The following ATL3 variants were observed in gnomAD, a reference collection of about 807,000 sequenced individuals.
ATL3 encodes the protein atlastin GTPase 3.
Under a neutral mutation model 69.5 loss-of-function variants are expected in ATL3, and 49 were observed. The ratio of observed to expected loss-of-function variants is 0.71; its 90% CI spans 0.56 to 0.89. ATL3 has a LOEUF of 0.89. ATL3 is among the 40% of genes least tolerant of loss of function. The pLI is 0.00. For missense variants in ATL3, 606 were observed against 645.7 expected, an observed-to-expected ratio of 0.94 and a Z score of 0.67; for synonymous variants, 214 against 224.1, an observed-to-expected ratio of 0.95 and a Z score of 0.40.
intron 1 of ATL3, among the ~76,000 whole-genome samples, chr11:63,669,264 G>C (rs987925951): frequency 1.3e-5 from 2 of 152,112 alleles, no homozygotes; most frequent in South Asian, 2.1e-4. Context: ...GCCAGGCGCC[G>C]TGGCTCACAC....
At position 63,661,311 on chromosome 11, in the gene ATL3, G is replaced by C. The variant is rs149843694; in HGVS notation, c.47-2059C>G. On this transcript the variant is annotated intron_variant, in intron 1 of 12. Coordinates refer to ENST00000398868, the MANE Select transcript of ATL3 (RefSeq NM_015459.5). ...AGATATAAGCTCAAAAAGATCTTTA[G>C]GTGGTTGTATTTTGCATATCACTAG... is the stretch of plus-strand genomic sequence containing the variant. Among the ~76,000 whole-genome samples, 125 of 152,014 alleles carry C rather than the reference G, an allele frequency of 8.2e-4. 2 individuals carry two copies. The East Asian group carries it at 0.023, about 28-fold the overall frequency.
chr11:63,635,683 T>C, intron 9 of ATL3, 93 bp from the exon 10 acceptor site: 2 of 992,924 alleles, frequency 2.0e-6, no homozygotes, highest in Non-Finnish European at 3.0e-6. Context: ...CAACTGCATT[T>C]TCCTAAAGAC....
intron 3 of ATL3, among the ~76,000 whole-genome samples, chr11:63,655,730 G>A (rs969222770): frequency 3.3e-5 from 5 of 151,966 alleles, no homozygotes; most frequent in East Asian, 1.9e-4. Flanking sequence ...ACAGACGTGC[G>A]CCACCGCGCC....
intron 11 of ATL3, among the ~76,000 whole-genome samples, chr11:63,632,018 C>T (rs1356031561): frequency 6.6e-6 from 1 of 152,092 alleles, no homozygotes; most frequent in Non-Finnish European, 1.5e-5. Flanking sequence ...TCTGCAGGGC[C>T]CAGGTGAGAA....
At chr11:63,647,851 C>T (rs1171237073) in intron 5 of ATL3, among the ~76,000 whole-genome samples, 1 of 152,214 alleles carries the variant, frequency 6.6e-6, no homozygotes, top group Non-Finnish European at 1.5e-5. Context: ...CAAATGAGAA[C>T]TGTCTCAAGT....
intron 1 of ATL3, among the ~76,000 whole-genome samples, chr11:63,662,295 A>G (rs1238194403): frequency 6.6e-6 from 1 of 152,158 alleles, no homozygotes; most frequent in Non-Finnish European, 1.5e-5. Context: ...ACAAAAAACT[A>G]CCAGTGGGGC....
chr11:63,641,686 G>C (rs1590726788), intron 8 of ATL3, among the ~76,000 whole-genome samples: 1 of 152,256 alleles, frequency 6.6e-6, no homozygotes, highest in Middle Eastern at 3.4e-3. Context: ...ACTTGCGGGG[G>C]AATAAATTTC....
At chr11:63,649,100 G>A (rs765693815) in intron 5 of ATL3, among the ~76,000 whole-genome samples, 1 of 151,998 alleles carries the variant, frequency 6.6e-6, no homozygotes, top group Admixed American at 6.6e-5. Context: ...ACTCCAGCCT[G>A]GGCAACTGAG....
chr11:63,657,260 T>C (rs935822268), intron 3 of ATL3, among the ~76,000 whole-genome samples: 11 of 147,898 alleles, frequency 7.4e-5, no homozygotes, highest in South Asian at 2.2e-4. Context: ...GCTTATAGGA[T>C]TGGGCTAAAA....
intron 5 of ATL3, among the ~76,000 whole-genome samples, chr11:63,649,565 T>A (rs942031256): frequency 1.3e-5 from 2 of 151,884 alleles, no homozygotes; most frequent in African/African-American, 4.8e-5. Flanking sequence ...AGAGTCTCAC[T>A]CTGTTGCCCA....
chr11:63,649,064 T>C (rs2134501290), intron 5 of ATL3, among the ~76,000 whole-genome samples: 1 of 149,812 alleles, frequency 6.7e-6, no homozygotes, highest in African/African-American at 2.5e-5. Context: ...GAGATTGCAG[T>C]GAGTGAGCCA....
intron 5 of ATL3, chr11:63,650,608 T>A (rs1940043287): frequency 6.6e-6 from 1 of 152,214 alleles, no homozygotes; most frequent in East Asian, 1.9e-4. Flanking sequence ...GTGAATTACA[T>A]AACTGCATCA....
At chr11:63,647,226 G>A (rs1939913115) in intron 5 of ATL3, among the ~76,000 whole-genome samples, 1 of 151,638 alleles carries the variant, frequency 6.6e-6, no homozygotes, top group Non-Finnish European at 1.5e-5. Context: ...AGACAGAGTT[G>A]TGCTCTTGTT....
intron 3 of ATL3, among the ~76,000 whole-genome samples, chr11:63,653,464 C>CAA (rs879281908): frequency 3.0e-5 from 4 of 132,446 alleles, no homozygotes; most frequent in Admixed American, 1.5e-4. Flanking sequence ...GATTTTGTCC[C>CAA]AAAAAAAAAA....
chr11:63,652,444 CT>C, intron 4 of ATL3, 26 bp downstream of exon 4: 2 of 1,418,222 alleles, frequency 1.4e-6, no homozygotes, highest in South Asian at 1.5e-5. Flanking sequence ...CCTTTGCGAG[CT>C]TTTTTCTGAG....
chr11:63,644,049 T>C (rs1313557673), intron 7 of ATL3, 120 bp downstream of exon 7: 1 of 660,622 alleles, frequency 1.5e-6, no homozygotes, highest in Middle Eastern at 2.6e-4. Flanking sequence ...TTAAGATTCA[T>C]ATATAGTTAA....
intron 3 of ATL3, among the ~76,000 whole-genome samples, chr11:63,654,150 T>G (rs1314617353): frequency 6.6e-5 from 9 of 137,134 alleles, no homozygotes; most frequent in South Asian, 2.3e-4. Flanking sequence ...ATACAATTTG[T>G]TTTTTTTTTT....
intron 3 of ATL3, among the ~76,000 whole-genome samples, chr11:63,657,208 C>CAAAAAAAAAAAAAAAAAAAAA (rs1254213240): frequency 5.2e-4 from 31 of 59,896 alleles, no homozygotes; most frequent in African/African-American, 1.6e-3. Context: ...GACTACATCT[C>CAAAAAAAAAAAAAAAAAAAAA]AAAAAAAAAA....
In ATL3 at chr11:63,627,471, A is replaced by T. The variant is rs1939152830; in HGVS notation, c.*1848T>A. 2 of 152,242 alleles carry T rather than the reference A, an allele frequency of 1.3e-5. No individual in the cohort carries two copies. The highest frequency in any genetic ancestry group is 2.9e-5 in the Non-Finnish European group (2 of 68,034). 9.4% of individuals were successfully genotyped at this position (152,242 alleles called of 1,614,324 possible). A position where few individuals can be genotyped will look rare whatever the true frequency, so the allele number is the denominator to read the frequency against. On this transcript the variant is annotated 3_prime_UTR_variant, in exon 13 of 13. Coordinates refer to ENST00000398868, the MANE Select transcript of ATL3 (RefSeq NM_015459.5). ...AAATACTTCAGTGGTAAAGTGTCAAAAGAAAATTCTTTGATAAAGAGATTA... is the reference window on the plus strand; with the variant it reads ...AAATACTTCAGTGGTAAAGTGTCAATAGAAAATTCTTTGATAAAGAGATTA...
Sources: allele counts gnomAD v4.1 joint callset (sites outside exome capture counted in the v4.1 genomes callset), GRCh38; gene constraint gnomAD v4.1.1; transcripts MANE v1.5; gene names NCBI Gene and HGNC (gene_info 2026-07-23, HGNC 2026-07-21).